DOCK1: variants seen among roughly 807,000 people sequenced by gnomAD.
DOCK1 encodes dedicator of cytokinesis 1, also known as dedicator of cytokinesis protein 1.
In DOCK1, 138 loss-of-function variants were observed where a neutral mutation model predicts 262.7. The ratio of observed to expected loss-of-function variants is 0.53; its 90% CI spans 0.46 to 0.61. DOCK1 has a LOEUF of 0.61. DOCK1 is among the 20% of genes least tolerant of loss of function. DOCK1 has a pLI of 0.00. For synonymous variants in DOCK1, 866 were observed against 867.4 expected (o/e 1.00, Z 0.03); for missense variants, 1,908 against 2,370.7 (o/e 0.80, Z 4.05).
At position 127,125,499 on chromosome 10, in the gene DOCK1, G is replaced by A; in HGVS notation, c.2649G>A (p.Met883Ile). ...QHDCREILLP[M>I]MTDQLKYHLE... ...ACTGCAGAGAGATCCTGCTTCCCATGATGACCGATCAGCTCAAGTACCATC... is the reference window on the plus strand; with the variant it reads ...ACTGCAGAGAGATCCTGCTTCCCATAATGACCGATCAGCTCAAGTACCATC... Residue 883 changes from methionine to isoleucine, a missense_variant, in exon 26 of 52, where the codon ATG (methionine) becomes ATA (isoleucine). Physicochemically the swap from Met to Ile is conservative, Grantham distance 10. This residue lies in a region of DOCK1 where 518 missense variants were observed against 575.1 expected (regional missense o/e 0.90). Coordinates refer to ENST00000623213, the MANE Select transcript of DOCK1 (RefSeq NM_001290223.2). The A allele has an allele frequency of 6.2e-7, 1 of 1,613,560 alleles. No individual in the cohort carries two copies. The highest frequency in any genetic ancestry group is 1.1e-5 in the South Asian group (1 of 91,016).
chr10:127,415,300 C>A, intron 44 of DOCK1, 62 bp downstream of exon 44: 1 of 1,503,552 alleles, frequency 6.7e-7, no homozygotes, highest in Non-Finnish European at 9.1e-7. Context: ...GTCTGCCACG[C>A]CTTCTTCACC....
chr10:126,940,416 T>C (rs2034896010), intron 1 of DOCK1, among the ~76,000 whole-genome samples: 1 of 152,172 alleles, frequency 6.6e-6, no homozygotes, highest in South Asian at 2.1e-4. Context: ...TGTGTTTTAT[T>C]TATTTTGTGG....
At chr10:126,994,807 A>G (rs1370281398) in intron 6 of DOCK1, among the ~76,000 whole-genome samples, 2 of 152,336 alleles carry the variant, frequency 1.3e-5, no homozygotes, top group African/African-American at 2.4e-5. Context: ...CATCGTCATC[A>G]TGGCCCGTTC....
In DOCK1 at chr10:127,452,169, A is replaced by C. The variant is rs781442794; in HGVS notation, c.*742A>C. On this transcript the variant is annotated 3_prime_UTR_variant, in exon 52 of 52. Transcript: ENST00000623213. ...AATTGGGTGAATTGTTTTTGTCCTC[A>C]TTCTGTACAGAAATTTGTATATATG... 1 of 152,632 alleles carries C rather than the reference A, an allele frequency of 6.6e-6. No individual in the cohort carries two copies. The highest frequency in any genetic ancestry group is 1.5e-5 in the Non-Finnish European group (1 of 68,026). The allele number at this position is 152,632 out of a possible 1,614,324, so 9.5% of individuals were successfully genotyped here.
At position 127,371,255 on chromosome 10, in the gene DOCK1, T is replaced by C. The variant is rs562782153; in HGVS notation, c.3433-2526T>C. Among the ~76,000 whole-genome samples, 20 of 152,356 alleles carry C rather than the reference T, an allele frequency of 1.3e-4. No individual in the cohort carries two copies. In the South Asian group the frequency reaches 4.1e-3, roughly 32 times the overall value. On this transcript the variant is annotated intron_variant, in intron 33 of 51. Coordinates refer to ENST00000623213, the MANE Select transcript of DOCK1 (RefSeq NM_001290223.2). Reference sequence around the variant, plus strand: ...CTAGTTGTGGATCTCTGGTACTGAATCCTTGCTAATAAACAGATCAGGGTG... The same window carrying C: ...CTAGTTGTGGATCTCTGGTACTGAACCCTTGCTAATAAACAGATCAGGGTG...
chr10:126,906,552 T>G (rs1293973485), intron 1 of DOCK1, among the ~76,000 whole-genome samples: 1 of 152,172 alleles, frequency 6.6e-6, no homozygotes, highest in Non-Finnish European at 1.5e-5. Context: ...ACCGCCTGCC[T>G]CATCCAGGCC....
At chr10:127,310,472 A>T (rs1420214780) in intron 29 of DOCK1, among the ~76,000 whole-genome samples, 1 of 152,146 alleles carries the variant, frequency 6.6e-6, no homozygotes, top group Admixed American at 6.6e-5. Context: ...ATAAGAAACA[A>T]CTTTTTTGAC....
chr10:127,046,775 A>C (rs2044377011), intron 21 of DOCK1, among the ~76,000 whole-genome samples: 1 of 151,790 alleles, frequency 6.6e-6, no homozygotes, highest in South Asian at 2.1e-4. Flanking sequence ...AAAAAAAAAA[A>C]AAAAAGATTT....
intron 27 of DOCK1, among the ~76,000 whole-genome samples, chr10:127,233,215 A>T (rs368149890): frequency 6.6e-6 from 1 of 152,208 alleles, no homozygotes; most frequent in African/African-American, 2.4e-5. Context: ...CACCAGTATG[A>T]TCAATGCTAA....
chr10:127,447,329 GCTCCCTGAGCATT>G, intron 50 of DOCK1, 52 bp from the exon 51 acceptor site: 1 of 1,564,578 alleles, frequency 6.4e-7, no homozygotes, highest in South Asian at 1.2e-5. Context: ...ACGTGGAGCA[GCTCCCTGAGCATT>G]CAGGCTCCGT....
intron 31 of DOCK1, among the ~76,000 whole-genome samples, 160 bp downstream of exon 31, chr10:127,343,906 C>T (rs2063527421): frequency 6.6e-6 from 1 of 152,164 alleles, no homozygotes; most frequent in Non-Finnish European, 1.5e-5. Flanking sequence ...CCTTTTCTAA[C>T]CCATGAATCA....
chr10:127,402,231 T>G (rs1004845358), intron 38 of DOCK1, among the ~76,000 whole-genome samples: 1 of 152,060 alleles, frequency 6.6e-6, no homozygotes, highest in Non-Finnish European at 1.5e-5. Flanking sequence ...CCAAAAGTTT[T>G]GAGGCAGCAG....
chr10:127,312,891 A>G (rs1363490043), intron 29 of DOCK1, among the ~76,000 whole-genome samples: 1 of 149,976 alleles, frequency 6.7e-6, no homozygotes, highest in Non-Finnish European at 1.5e-5. Flanking sequence ...CACATAAACC[A>G]TTTTCCACAC....
At chr10:127,374,308 A>G (rs759165649) in intron 35 of DOCK1, 94 bp downstream of exon 35, 1 of 1,431,060 alleles carries the variant, frequency 7.0e-7, no homozygotes, top group South Asian at 1.5e-5. Flanking sequence ...ACAGTCAGCC[A>G]CGAAGCTTTC....
At chr10:126,949,176 T>A (rs920299961) in intron 1 of DOCK1, among the ~76,000 whole-genome samples, 4 of 151,922 alleles carry the variant, frequency 2.6e-5, no homozygotes, top group African/African-American at 9.7e-5. Flanking sequence ...TCTCCATTGA[T>A]TCCCGAAGGT....
chr10:127,378,613 A>T (rs1218650860), intron 35 of DOCK1, among the ~76,000 whole-genome samples: 3 of 152,106 alleles, frequency 2.0e-5, no homozygotes, highest in African/African-American at 7.3e-5. Flanking sequence ...TATCTCCGAG[A>T]GAGGAATGAA....
intron 12 of DOCK1, 98 bp from the exon 13 acceptor site, chr10:127,018,612 T>C (rs1030519926): frequency 2.5e-6 from 4 of 1,573,806 alleles, no homozygotes; most frequent in South Asian, 1.1e-5. Flanking sequence ...TGTTGAATTG[T>C]GAATTAAAAG....
chr10:127,015,344 C>T (rs932810739), intron 12 of DOCK1, among the ~76,000 whole-genome samples: 1 of 152,042 alleles, frequency 6.6e-6, no homozygotes, highest in Admixed American at 6.6e-5. Flanking sequence ...TCTCCCTGAG[C>T]GCCCCCGCCC....
At chr10:126,932,814 A>G (rs2034283830) in intron 1 of DOCK1, among the ~76,000 whole-genome samples, 1 of 152,056 alleles carries the variant, frequency 6.6e-6, no homozygotes, top group Admixed American at 6.6e-5. Flanking sequence ...ATTTGGTTCA[A>G]TTACTGCCAG....
Sources: gnomAD v4.1 joint callset for allele counts (sites outside exome capture counted in the v4.1 genomes callset) on GRCh38, gnomAD v4.1.1 for gene constraint, gnomAD v4.1.1 regional missense constraint, MANE v1.5 for transcripts, NCBI Gene and HGNC (gene_info 2026-07-23, HGNC 2026-07-21) for gene names.